Variants in G6PC1 observed in about 807,000 individuals in gnomAD.
The protein encoded by G6PC1 is G-6-Pase.
A neutral mutation model predicts 30.4 loss-of-function variants in G6PC1; 23 were observed. The observed-to-expected ratio is 0.76, with a 90% CI of 0.55 to 1.07. The LOEUF is 1.07. Among genes scored for constraint, G6PC1 ranks in the 50% least tolerant of loss-of-function variants. G6PC1 has a pLI of 0.00. For synonymous variants in G6PC1, 163 were observed against 175.6 expected (o/e 0.93, Z 0.57); for missense variants, 391 against 433.9 (o/e 0.90, Z 0.88).
intron 2 of G6PC1, among the ~76,000 whole-genome samples, chr17:42,906,280 C>G (rs2056061851): frequency 6.6e-6 from 1 of 152,024 alleles, no homozygotes; most frequent in South Asian, 2.1e-4. Context: ...GGAACAGGAA[C>G]AGGGCAGAAG....
At position 42,900,927 on chromosome 17, in the gene G6PC1, T is replaced by C. The variant is rs1356393936; in HGVS notation, c.51T>C (p.His17=). 5 of 1,613,994 alleles carry C rather than the reference T, an allele frequency of 3.1e-6. No homozygotes were observed. Among genetic ancestry groups the C allele is most frequent in the African/African-American group, 2.7e-5 (2 of 74,894 alleles). The change falls in exon 1 of 5, where the codon CAT becomes CAC. Residue 17 remains histidine, a synonymous_variant. Coordinates refer to ENST00000253801, the MANE Select transcript of G6PC1 (RefSeq NM_000151.4). ...VLHDFGIQST[H]YLQVNYQDSQ... ...ATGACTTTGGGATCCAGTCAACACA[T>C]TACCTCCAGGTGAATTACCAAGACT... is the stretch of plus-strand genomic sequence containing the variant.
intron 1 of G6PC1, among the ~76,000 whole-genome samples, chr17:42,903,493 T>A (rs992852108): frequency 2.0e-5 from 3 of 151,306 alleles, no homozygotes; most frequent in African/African-American, 7.3e-5. Context: ...GTGGGAGGAT[T>A]GCCTGAGTTC....
At position 42,903,979 on chromosome 17, in the gene G6PC1, C is replaced by T; in HGVS notation, c.279C>T (p.Tyr93=). 6.2e-7 allele frequency: 1 copy of T among 1,614,102 alleles called. No homozygotes were observed. The highest frequency in any genetic ancestry group is 8.5e-7 in the Non-Finnish European group (1 of 1,179,954). Residue 93 remains tyrosine (Y), a synonymous_variant, in exon 2 of 5, where the codon TAC becomes TAT. Transcript: ENST00000253801. ...ACTGGTGGGTTTTGGATACTGACTA[C>T]TACAGCAACACTTCCGTGCCCCTGA... ...RPYWWVLDTD[Y]YSNTSVPLIK... is the part of the protein sequence containing the mutation.
chr17:42,909,752 A>AAAT (rs1431171823), intron 4 of G6PC1, among the ~76,000 whole-genome samples: 1 of 152,230 alleles, frequency 6.6e-6, no homozygotes, highest in Non-Finnish European at 1.5e-5. Context: ...CAAATTTAAC[A>AAAT]AATTAACACG....
chr17:42,908,230 T>C (rs1408444935), intron 3 of G6PC1, among the ~76,000 whole-genome samples: 5 of 152,168 alleles, frequency 3.3e-5, no homozygotes, highest in Admixed American at 3.3e-4. Flanking sequence ...AGAGTTCTGC[T>C]ATGTTGCCCA....
chr17:42,904,823 T>C (rs1306342341), intron 2 of G6PC1, among the ~76,000 whole-genome samples: 2 of 152,106 alleles, frequency 1.3e-5, no homozygotes, highest in African/African-American at 4.8e-5. Context: ...AATAAATAAG[T>C]AAACTAGGCC....
At chr17:42,909,457 C>T (rs2056082747) in intron 4 of G6PC1, 39 bp downstream of exon 4, 1 of 1,465,738 alleles carries the variant, frequency 6.8e-7, no homozygotes, top group East Asian at 2.3e-5. Flanking sequence ...TCCCCCAAAC[C>T]CCATTCCGTT....
At chr17:42,903,229 G>C (rs1006682108) in intron 1 of G6PC1, among the ~76,000 whole-genome samples, 1 of 151,734 alleles carries the variant, frequency 6.6e-6, no homozygotes, top group South Asian at 2.1e-4. Context: ...TTACAGTCAC[G>C]CACCACCACA....
In G6PC1 at chr17:42,903,950, C is replaced by T; in HGVS notation, c.250C>T (p.Pro84Ser). ...CCATAGGATTCTCTTTGGACAGCGT[C>T]CATACTGGTGGGTTTTGGATACTGA... ...VFKWILFGQR[P>S]YWWVLDTDYY... The change falls in exon 2 of 5, where the codon CCA becomes TCA. Residue 84 changes from proline (P) to serine (S), a missense_variant. By Grantham distance (74) the Pro-to-Ser change is moderately conservative. Coordinates refer to ENST00000253801, the MANE Select transcript of G6PC1 (RefSeq NM_000151.4). 1.2e-6 allele frequency: 2 copies of T among 1,613,144 alleles called. No homozygotes were observed. The highest frequency in any genetic ancestry group is 2.2e-5 in the South Asian group (2 of 91,056).
intron 1 of G6PC1, 48 bp downstream of exon 1, chr17:42,901,154 C>G (rs773173881): frequency 6.7e-7 from 1 of 1,498,384 alleles, no homozygotes; most frequent in Non-Finnish European, 9.3e-7. Flanking sequence ...GGCTGGCATT[C>G]GCTCTCGCAA....
rs2151932246 is a variant in G6PC1, at chr17:42,910,952, C to T, written c.600C>T (p.Ser200=). The T allele has an allele frequency of 6.2e-7, 1 of 1,614,218 alleles. No homozygotes were observed. Among genetic ancestry groups the T allele is most frequent in the South Asian group, 1.1e-5 (1 of 91,086 alleles). The change falls in exon 5 of 5, where the codon AGC becomes AGT. Residue 200 remains serine, a synonymous_variant. Transcript: ENST00000253801. The part of the protein sequence containing the change: ...AVAETFSHIH[S]IYNASLKKYF... ...CAGAAACTTTCAGCCACATCCACAG[C>T]ATCTATAATGCCAGCCTCAAGAAAT...
chr17:42,901,570 A>G (rs1035979325), intron 1 of G6PC1, among the ~76,000 whole-genome samples: 5 of 151,914 alleles, frequency 3.3e-5, no homozygotes, highest in Non-Finnish European at 5.9e-5. Flanking sequence ...CAAAAACATT[A>G]CGAAAATTAG....
In G6PC1 at chr17:42,909,405, T is replaced by C. The variant is rs375921716; in HGVS notation, c.549T>C (p.Ala183=). Reference sequence around the variant, plus strand: ...CTCATTTTCCTCATCAAGTTGTTGCTGGAGTCCTGTCAGGTATGGGCTGAT... The same window carrying C: ...CTCATTTTCCTCATCAAGTTGTTGCCGGAGTCCTGTCAGGTATGGGCTGAT... The part of the protein sequence containing the change: ...LAAHFPHQVV[A]GVLSGIAVAE... Residue 183 remains alanine, a synonymous_variant, in exon 4 of 5, where the codon GCT becomes GCC. Transcript: ENST00000253801. The C allele has an allele frequency of 2.2e-5, 35 of 1,613,522 alleles. No individual in the cohort carries two copies. The highest frequency in any genetic ancestry group is 3.0e-5 in the Non-Finnish European group (35 of 1,179,544).
At chr17:42,910,732 G>C (rs1299038219) in intron 4 of G6PC1, among the ~76,000 whole-genome samples, 183 bp from the exon 5 acceptor site, 1 of 152,180 alleles carries the variant, frequency 6.6e-6, no homozygotes, top group Non-Finnish European at 1.5e-5. Context: ...ATCTGAAAGA[G>C]TCTATATTGA....
intron 3 of G6PC1, 96 bp from the exon 4 acceptor site, chr17:42,909,207 C>A: frequency 1.1e-6 from 1 of 930,848 alleles, no homozygotes; most frequent in South Asian, 1.3e-5. Flanking sequence ...ACTGAGAGCA[C>A]CTAAGTTTGC....
chr17:42,910,076 C>T (rs904151949), intron 4 of G6PC1, among the ~76,000 whole-genome samples: 7 of 152,038 alleles, frequency 4.6e-5, no homozygotes, highest in African/African-American at 1.7e-4. Flanking sequence ...TGGTCTTGAT[C>T]TCCTGACCTC....
rs770007378 is a variant in G6PC1, at chr17:42,900,902, A to G, written c.26A>G (p.His9Arg). 2 of 1,613,994 alleles carry G rather than the reference A, an allele frequency of 1.2e-6. No individual in the cohort carries two copies. Among genetic ancestry groups the G allele is most frequent in the East Asian group, 4.5e-5 (2 of 44,892 alleles). The change falls in exon 1 of 5, where the codon CAT becomes CGT. Residue 9 changes from histidine (H) to arginine (R), a missense_variant. His to Arg is a conservative substitution (Grantham distance 29, BLOSUM62 0). Transcript: ENST00000253801. MEEGMNVL[H>R]DFGIQSTHYL... ...ATGGAGGAAGGAATGAATGTTCTCC[A>G]TGACTTTGGGATCCAGTCAACACAT...
In G6PC1 at chr17:42,907,332, G is replaced by T. The variant is rs188471993; in HGVS notation, c.341-191G>T. Among the ~76,000 whole-genome samples, 25 of 150,422 alleles carry T rather than the reference G, an allele frequency of 1.7e-4. No homozygotes were observed. In the East Asian group the frequency reaches 4.9e-3, roughly 30 times the overall value. On this transcript the variant is annotated intron_variant, in intron 2 of 4. Coordinates refer to ENST00000253801, the MANE Select transcript of G6PC1 (RefSeq NM_000151.4). ...GGAGATGGAAATTTGTTAAATAAAT[G>T]AATTATGGATAACGAATGGATGGTA... is the stretch of plus-strand genomic sequence containing the variant.
intron 2 of G6PC1, 56 bp from the exon 3 acceptor site, chr17:42,907,467 T>A: frequency 8.1e-7 from 1 of 1,228,822 alleles, no homozygotes; most frequent in Non-Finnish European, 1.2e-6. Context: ...GATGATGCAC[T>A]GTCTCCCAGA....
Sources: allele counts gnomAD v4.1 joint callset (sites outside exome capture counted in the v4.1 genomes callset), GRCh38; gene constraint gnomAD v4.1.1; transcripts MANE v1.5; gene names NCBI Gene and HGNC (gene_info 2026-07-23, HGNC 2026-07-21).